IGSF11: variants seen among roughly 807,000 people sequenced by gnomAD.
The protein encoded by IGSF11 is CXADR like 1.
In IGSF11, 22 loss-of-function variants were observed where a neutral mutation model predicts 41.0. That is an observed-to-expected ratio of 0.54 (90% confidence interval 0.38 to 0.77). The LOEUF is 0.77. Among genes scored for constraint, IGSF11 ranks in the 30% least tolerant of loss-of-function variants. The pLI, the probability that IGSF11 is intolerant of heterozygous loss-of-function variation, is 0.00. For synonymous variants in IGSF11, 219 were observed against 201.3 expected, an observed-to-expected ratio of 1.09 and a Z score of -0.74; for missense variants, 444 against 530.8, an observed-to-expected ratio of 0.84 and a Z score of 1.61.
chr3:118,946,157 G>C (rs1944112207), intron 1 of IGSF11: 3 of 150,540 alleles, frequency 2.0e-5, no homozygotes, highest in African/African-American at 7.3e-5. Context: ...CAGATGGGAA[G>C]ACAAAAAATA....
chr3:119,047,535 C>A (rs535521502), intron 1 of IGSF11, among the ~76,000 whole-genome samples: 15 of 152,302 alleles, frequency 9.8e-5, no homozygotes, highest in South Asian at 2.1e-4. Flanking sequence ...TAGACTCCCA[C>A]ACATTAATAA....
chr3:118,960,967 C>T (rs950971052), intron 1 of IGSF11, among the ~76,000 whole-genome samples: 9 of 152,200 alleles, frequency 5.9e-5, no homozygotes, highest in African/African-American at 2.2e-4. Context: ...TTGGTTTACA[C>T]ATTCATTTAT....
chr3:119,063,072 C>T (rs958150359), intron 1 of IGSF11, among the ~76,000 whole-genome samples: 2 of 152,126 alleles, frequency 1.3e-5, no homozygotes, highest in Non-Finnish European at 2.9e-5. Context: ...ATCTCCCAGG[C>T]TCTGTCCAGG....
chr3:119,050,763 T>TA, intron 1 of IGSF11, among the ~76,000 whole-genome samples: 1 of 151,634 alleles, frequency 6.6e-6, no homozygotes, highest in Non-Finnish European at 1.5e-5. Context: ...CCAACAATGA[T>TA]AGACTGGATT....
chr3:119,052,825 G>A (rs111616078), intron 1 of IGSF11, among the ~76,000 whole-genome samples: 2,468 of 152,240 alleles, frequency 0.016, 76 homozygotes, highest in African/African-American at 0.056. Context: ...TGCCAGGGAT[G>A]CAGGGTTGGT....
chr3:119,065,698 CA>C (rs1441100628), intron 1 of IGSF11, among the ~76,000 whole-genome samples: 2 of 146,248 alleles, frequency 1.4e-5, no homozygotes. Context: ...GAGGCTGAAA[CA>C]GGAGAATTGC....
At chr3:119,104,476 T>C (rs2076989144) in intron 1 of IGSF11, among the ~76,000 whole-genome samples, 1 of 152,208 alleles carries the variant, frequency 6.6e-6, no homozygotes, top group Non-Finnish European at 1.5e-5. Flanking sequence ...ACCCTTCAGC[T>C]CTCAGCATAG....
intron 1 of IGSF11, among the ~76,000 whole-genome samples, chr3:118,956,647 C>T (rs1044509896): frequency 4.6e-5 from 7 of 152,050 alleles, no homozygotes; most frequent in African/African-American, 1.4e-4. Context: ...TTTATGGCAC[C>T]CCGAAACAAT....
chr3:119,050,385 AC>A (rs1941569329), intron 1 of IGSF11, among the ~76,000 whole-genome samples: 1 of 152,240 alleles, frequency 6.6e-6, no homozygotes, highest in Non-Finnish European at 1.5e-5. Context: ...GCCAAAAAAC[AC>A]ATGAAAAAAT....
At chr3:119,091,350 T>A (rs1175259423) in intron 1 of IGSF11, among the ~76,000 whole-genome samples, 3 of 152,230 alleles carry the variant, frequency 2.0e-5, no homozygotes, top group South Asian at 2.1e-4. Context: ...ATCCTATTAC[T>A]GTGTATATAC....
At chr3:118,922,925 G>T (rs1252808500) in intron 4 of IGSF11, among the ~76,000 whole-genome samples, 1 of 152,108 alleles carries the variant, frequency 6.6e-6, no homozygotes, top group East Asian at 1.9e-4. Context: ...TATAGAACAT[G>T]CTGGGAATGC....
intron 1 of IGSF11, among the ~76,000 whole-genome samples, chr3:119,085,713 G>A (rs913990583): frequency 6.6e-6 from 1 of 152,182 alleles, no homozygotes; most frequent in Non-Finnish European, 1.5e-5. Context: ...TGAACTTCTT[G>A]AGCTGAAGAC....
At chr3:118,958,389 T>C (rs913287558) in intron 1 of IGSF11, among the ~76,000 whole-genome samples, 6 of 152,172 alleles carry the variant, frequency 3.9e-5, no homozygotes, top group African/African-American at 7.2e-5. Flanking sequence ...ACAGGGAACA[T>C]AGAATATTTT....
chr3:119,141,074 T>C (rs1170180438), intron 1 of IGSF11, among the ~76,000 whole-genome samples: 3 of 144,280 alleles, frequency 2.1e-5, no homozygotes, highest in Non-Finnish European at 4.5e-5. Flanking sequence ...CAAAATATAT[T>C]CTGCAATCAC....
chr3:119,102,476 A>G (rs1206269821), intron 1 of IGSF11, among the ~76,000 whole-genome samples: 1 of 152,244 alleles, frequency 6.6e-6, no homozygotes, highest in Non-Finnish European at 1.5e-5. Flanking sequence ...TTTGAGGAAC[A>G]GTAATTTTGT....
intron 1 of IGSF11, among the ~76,000 whole-genome samples, chr3:119,120,942 C>G (rs1269753510): frequency 6.6e-6 from 1 of 152,120 alleles, no homozygotes; most frequent in Admixed American, 6.5e-5. Context: ...CTCTTTTACC[C>G]TTTCTAACTG....
Position 118,953,191 on chromosome 3 carries a change from C to A in IGSF11, c.53-22916G>T, listed in dbSNP as rs139531561. ...TTACTTCACTCAGAATAATGGTCTC[C>A]AGCTCCATCCAGGTTGCTGTAAATA... On this transcript the variant is annotated intron_variant, in intron 1 of 6. Coordinates refer to ENST00000393775, the MANE Select transcript of IGSF11 (RefSeq NM_001015887.3). Among the ~76,000 whole-genome samples the A allele has an allele frequency of 4.4e-3, 663 of 152,210 alleles. 11 individuals are homozygous for A. The highest frequency in any genetic ancestry group is 0.015 in the African/African-American group (632 of 41,540).
intron 1 of IGSF11, among the ~76,000 whole-genome samples, chr3:119,136,611 T>C (rs1259968016): frequency 9.2e-5 from 14 of 152,146 alleles, no homozygotes. Context: ...AGGGATCAAT[T>C]CAGCAAAAGT....
intron 1 of IGSF11, among the ~76,000 whole-genome samples, chr3:118,956,666 T>C (rs73185816): frequency 0.027 from 4,165 of 152,214 alleles, 82 homozygotes; most frequent in Admixed American, 0.052. Flanking sequence ...ATTACAACAG[T>C]AATATCAAAG....
Sources: gnomAD v4.1 joint callset for allele counts (sites outside exome capture counted in the v4.1 genomes callset) on GRCh38, gnomAD v4.1.1 for gene constraint, MANE v1.5 for transcripts, NCBI Gene and HGNC (gene_info 2026-07-23, HGNC 2026-07-21) for gene names.